CEP85L: variants seen among roughly 807,000 people sequenced by gnomAD.
CEP85L encodes the protein centrosomal protein 85L, also known as centrosomal protein of 85 kDa-like.
CEP85L carries 60 observed loss-of-function variants against 100.3 expected under a neutral mutation model. The observed-to-expected ratio is 0.60, with a 90% CI of 0.49 to 0.74. The LOEUF is 0.74. Among genes scored for constraint, CEP85L ranks in the 30% least tolerant of loss-of-function variants. The pLI is 0.00. For synonymous variants in CEP85L, 319 were observed against 322.7 expected (o/e 0.99, Z 0.12); for missense variants, 973 against 936.2 (o/e 1.04, Z -0.51).
chr6:118,644,094 A>C (rs1775041460), intron 1 of CEP85L, among the ~76,000 whole-genome samples: 1 of 152,220 alleles, frequency 6.6e-6, no homozygotes, highest in South Asian at 2.1e-4. Context: ...TGGATTAGAT[A>C]ATCTCTAATT....
chr6:118,560,484 A>G (rs1779161276), intron 3 of CEP85L: 1 of 166,992 alleles, frequency 6.0e-6, no homozygotes, highest in South Asian at 2.1e-4. Context: ...AAAGATGGGG[A>G]GGAAGAGAAG....
At chr6:118,607,885 G>A (rs1772335496) in intron 2 of CEP85L, among the ~76,000 whole-genome samples, 2 of 152,154 alleles carry the variant, frequency 1.3e-5, no homozygotes, top group Non-Finnish European at 2.9e-5. Flanking sequence ...GGTTTCTGCA[G>A]TATAGTCCCT....
intron 2 of CEP85L, among the ~76,000 whole-genome samples, chr6:118,626,780 G>A (rs1394620000): frequency 6.6e-6 from 1 of 152,166 alleles, no homozygotes; most frequent in Admixed American, 6.5e-5. Context: ...GGCGTGGCTA[G>A]GCACAGAACC....
chr6:118,667,353 G>A (rs1776165537), intron 1 of CEP85L, among the ~76,000 whole-genome samples: 1 of 152,122 alleles, frequency 6.6e-6, no homozygotes, highest in South Asian at 2.1e-4. Context: ...TTGATTTCCT[G>A]AGTGGACAAG....
chr6:118,556,447 C>G (rs1359211229), intron 3 of CEP85L, among the ~76,000 whole-genome samples: 5 of 152,038 alleles, frequency 3.3e-5, no homozygotes, highest in Non-Finnish European at 5.9e-5. Context: ...TATAATAGAC[C>G]CAAGTTGAAC....
chr6:118,693,469 C>T (rs1777109715), intron 1 of CEP85L, among the ~76,000 whole-genome samples: 1 of 152,126 alleles, frequency 6.6e-6, no homozygotes, highest in Admixed American at 6.5e-5. Context: ...CATTCTGAAA[C>T]CAATGTTAGT....
intron 2 of CEP85L, among the ~76,000 whole-genome samples, chr6:118,612,881 G>C (rs2115238008): frequency 6.6e-6 from 1 of 152,048 alleles, no homozygotes; most frequent in Admixed American, 6.5e-5. Flanking sequence ...TCAACAAACT[G>C]CTACCAAAAC....
At chr6:118,647,203 C>A (rs550050882) in intron 1 of CEP85L, 2 of 259,994 alleles carry the variant, frequency 7.7e-6, no homozygotes, top group East Asian at 1.8e-4. Context: ...TCACTAAACA[C>A]CTTATGGCAA....
rs11371900 is a variant in CEP85L at position 118,464,802 on chromosome 6, C to CA, written c.*602dup. The CA allele has an allele frequency of 1, 152,149 of 152,156 alleles. 76,071 individuals carry two copies. Among genetic ancestry groups the CA allele is most frequent in the Middle Eastern group, 1 (294 of 294 alleles). The allele number at this position is 152,156 out of a possible 1,614,324, so 9.4% of individuals were successfully genotyped here. On this transcript the variant is annotated 3_prime_UTR_variant, in exon 13 of 13. Transcript: ENST00000368491. Reference sequence around the variant, plus strand: ...TACAGTACTAAAATCAGCTCAACCACAAACATCCTATCAGTGCAGTAAGTG... The same window carrying CA: ...TACAGTACTAAAATCAGCTCAACCACAAAACATCCTATCAGTGCAGTAAGTG...
chr6:118,569,667 C>T (rs1779769676), intron 2 of CEP85L, among the ~76,000 whole-genome samples: 1 of 151,344 alleles, frequency 6.6e-6, no homozygotes, highest in Non-Finnish European at 1.5e-5. Context: ...GAATTCCTGG[C>T]AGAAAGCAAA....
At position 118,462,388 on chromosome 6, in the gene CEP85L, T is replaced by G. The variant is rs917535783; in HGVS notation, c.*3017A>C. On this transcript the variant is annotated 3_prime_UTR_variant, in exon 13 of 13. Transcript: ENST00000368491. The stretch of plus-strand genomic sequence containing the variant: ...ACTTTTCTGAGCTCAAGTGAAAAGA[T>G]AGCTATTGTGCCTTTGATTCAGTGA... 6.6e-6 allele frequency: 1 copy of G among 152,026 alleles called. No homozygotes were observed. Among genetic ancestry groups the G allele is most frequent in the African/African-American group, 2.4e-5 (1 of 41,444 alleles). The allele number at this position is 152,026 out of a possible 1,614,324, so 9.4% of individuals were successfully genotyped here.
Position 118,651,530 on chromosome 6 carries a change from C to T in CEP85L, c.-261G>A. The T allele has an allele frequency of 7.9e-7, 1 of 1,269,232 alleles. No individual in the cohort carries two copies. The highest frequency in any genetic ancestry group is 9.9e-7 in the Non-Finnish European group (1 of 1,007,920). 78.6% of individuals were successfully genotyped at this position (1,269,232 alleles called of 1,614,324 possible). On this transcript the variant is annotated 5_prime_UTR_variant, in exon 1 of 13. Transcript: ENST00000368491. ...AGCGGCGACTCGGCGGTGACGGCTG[C>T]TAGATCCCCGGCTGAGCCCAGGCTC...
chr6:118,582,005 C>T (rs907599999), intron 2 of CEP85L, among the ~76,000 whole-genome samples: 4 of 152,138 alleles, frequency 2.6e-5, no homozygotes, highest in Non-Finnish European at 5.9e-5. Context: ...CAGCCCAGAC[C>T]TTTACAAGTT....
At chr6:118,467,473 G>A (rs1300712177) in intron 12 of CEP85L, among the ~76,000 whole-genome samples, 3 of 152,064 alleles carry the variant, frequency 2.0e-5, no homozygotes, top group Non-Finnish European at 2.9e-5. Flanking sequence ...TGAGTAAATG[G>A]AGCCATGAAG....
intron 2 of CEP85L, among the ~76,000 whole-genome samples, chr6:118,625,224 C>T (rs1773707584): frequency 6.6e-6 from 1 of 152,276 alleles, no homozygotes; most frequent in Non-Finnish European, 1.5e-5. Context: ...ACCTGTCTAA[C>T]TCCAGACATC....
At chr6:118,650,223 G>C (rs772330911) in intron 1 of CEP85L, among the ~76,000 whole-genome samples, 1 of 152,128 alleles carries the variant, frequency 6.6e-6, no homozygotes. Flanking sequence ...ATGTATATAT[G>C]GCATTGTTTT....
rs144726708 is a variant in CEP85L at position 118,569,074 on chromosome 6, C to T, written c.233-2758G>A. Among the ~76,000 whole-genome samples the T allele has an allele frequency of 2.0e-5, 3 of 152,062 alleles. No individual in the cohort carries two copies. In the East Asian group the frequency reaches 5.8e-4, roughly 29 times the overall value. On this transcript the variant is annotated intron_variant, in intron 2 of 12. Coordinates refer to ENST00000368491, the MANE Select transcript of CEP85L (RefSeq NM_001042475.3). ...TAAAATATAGGGCTGGGGGCAGTGG[C>T]TCACACCTGTAATTCCAGCAATTTG... is the stretch of plus-strand genomic sequence containing the variant.
intron 1 of CEP85L, among the ~76,000 whole-genome samples, chr6:118,707,988 GA>G (rs1415405957): frequency 4.2e-5 from 5 of 119,680 alleles, no homozygotes; most frequent in African/African-American, 1.5e-4. Context: ...GGACGGGGGG[GA>G]AACAATCTGG....
At chr6:118,697,248 G>T (rs901821198) in intron 1 of CEP85L, among the ~76,000 whole-genome samples, 2 of 152,170 alleles carry the variant, frequency 1.3e-5, no homozygotes, top group African/African-American at 2.4e-5. Flanking sequence ...CAAAGAAGGG[G>T]TATAGCTATT....
Sources: gnomAD v4.1 joint callset for allele counts (sites outside exome capture counted in the v4.1 genomes callset) on GRCh38, gnomAD v4.1.1 for gene constraint, MANE v1.5 for transcripts, NCBI Gene and HGNC (gene_info 2026-07-23, HGNC 2026-07-21) for gene names.